RBM20: variants seen among roughly 807,000 people sequenced by gnomAD.
RBM20 encodes the protein RNA-binding protein 20.
Under a neutral mutation model 110.1 loss-of-function variants are expected in RBM20, and 51 were observed. The ratio of observed to expected loss-of-function variants is 0.46; its 90% CI spans 0.37 to 0.59. RBM20 has a LOEUF of 0.59. Ranked by LOEUF, RBM20 falls within the 20% of genes least tolerant of loss-of-function variation. The pLI is 0.00. For synonymous variants in RBM20, 589 were observed against 618.2 expected, an observed-to-expected ratio of 0.95 and a Z score of 0.70; for missense variants, 1,512 against 1,574.9, an observed-to-expected ratio of 0.96 and a Z score of 0.68.
rs60697105 is a variant in RBM20 at position 110,809,218 on chromosome 10, T to TAAA, written c.1801-1153_1801-1151dup. The stretch of plus-strand genomic sequence containing the variant: ...AGTGACAGAGCAAGACCCCGTTTCT[T>TAAA]AAAAAAAAAAAAAATTGCATGATTC... On this transcript the variant is annotated intron_variant, in intron 7 of 13. Coordinates refer to ENST00000369519, the MANE Select transcript of RBM20 (RefSeq NM_001134363.3). Among the ~76,000 whole-genome samples, 119 of 60,726 alleles carry TAAA rather than the reference T, an allele frequency of 2.0e-3. 12 individuals carry two copies. In the Middle Eastern group the frequency reaches 0.039, roughly 20 times the overall value. The allele number at this position is 60,726 out of a possible 152,430, so 39.8% of individuals were successfully genotyped here.
chr10:110,833,933 A>C (rs61674060), intron 13 of RBM20, among the ~76,000 whole-genome samples: 10,132 of 152,238 alleles, frequency 0.067, 761 homozygotes, highest in African/African-American at 0.18. Context: ...AGCAGCAGGT[A>C]ATGGCTGACA....
intron 8 of RBM20, among the ~76,000 whole-genome samples, chr10:110,811,858 G>T (rs1844771482): frequency 6.6e-6 from 1 of 152,168 alleles, no homozygotes; most frequent in South Asian, 2.1e-4. Context: ...TGGCACCCAG[G>T]GTTAGGCAGC....
At chr10:110,689,565 G>A (rs1590619077) in intron 1 of RBM20, among the ~76,000 whole-genome samples, 1 of 152,216 alleles carries the variant, frequency 6.6e-6, no homozygotes, top group African/African-American at 2.4e-5. Context: ...GTTCCATCAT[G>A]TATAACTATT....
chr10:110,717,401 A>C (rs888840874), intron 1 of RBM20, among the ~76,000 whole-genome samples: 2 of 152,010 alleles, frequency 1.3e-5, no homozygotes, highest in Non-Finnish European at 2.9e-5. Context: ...ATTTTGTTCC[A>C]AGGGTGATAA....
chr10:110,816,436 A>G (rs939611838), intron 9 of RBM20, among the ~76,000 whole-genome samples: 3 of 147,914 alleles, frequency 2.0e-5, no homozygotes, highest in Non-Finnish European at 4.5e-5. Context: ...GACCATCTCA[A>G]CACCCCAACC....
At chr10:110,695,336 G>A (rs1290650635) in intron 1 of RBM20, among the ~76,000 whole-genome samples, 1 of 152,218 alleles carries the variant, frequency 6.6e-6, no homozygotes, top group African/African-American at 2.4e-5. Flanking sequence ...CATAGCATGG[G>A]CCATTTAGAT....
At chr10:110,690,257 T>G (rs1214649340) in intron 1 of RBM20, among the ~76,000 whole-genome samples, 1 of 152,072 alleles carries the variant, frequency 6.6e-6, no homozygotes, top group East Asian at 1.9e-4. Flanking sequence ...AAAATTTAAA[T>G]TAGCTGGGTG....
chr10:110,774,514 A>G (rs1844235648), intron 1 of RBM20, among the ~76,000 whole-genome samples: 1 of 151,752 alleles, frequency 6.6e-6, no homozygotes, highest in Non-Finnish European at 1.5e-5. Context: ...GTATATGTTG[A>G]TAGGCGTGTA....
At chr10:110,674,219 A>T (rs963877229) in intron 1 of RBM20, among the ~76,000 whole-genome samples, 2 of 152,182 alleles carry the variant, frequency 1.3e-5, no homozygotes, top group Non-Finnish European at 2.9e-5. Context: ...TCTGTGTAGG[A>T]TGGAAGTCAT....
At chr10:110,753,194 A>G (rs1194118737) in intron 1 of RBM20, among the ~76,000 whole-genome samples, 3 of 151,854 alleles carry the variant, frequency 2.0e-5, no homozygotes, top group Non-Finnish European at 2.9e-5. Context: ...CGGCCTCCCA[A>G]AGTGCTGGGA....
chr10:110,687,552 T>C (rs1310791974), intron 1 of RBM20, among the ~76,000 whole-genome samples: 1 of 152,262 alleles, frequency 6.6e-6, no homozygotes, highest in Non-Finnish European at 1.5e-5. Context: ...TCCAGTCTGA[T>C]GGTATTACAA....
chr10:110,777,113 A>G lies in RBM20; in HGVS notation c.192-3688A>G, dbSNP rs2135034062. ...TTCACGGCAATTACTTTGTGCCCAT[A>G]AAGTGGGAGGCAGTGTGCTGAGGAA... On this transcript the variant is annotated intron_variant, in intron 1 of 13. Transcript: ENST00000369519. Among the ~76,000 whole-genome samples, 3 of 152,302 alleles carry G rather than the reference A, an allele frequency of 2.0e-5. No homozygotes were observed. In the South Asian group the frequency reaches 6.2e-4, roughly 32 times the overall value.
chr10:110,830,936 C>A, intron 12 of RBM20, 125 bp from the exon 13 acceptor site: 1 of 964,298 alleles, frequency 1.0e-6, no homozygotes, highest in Non-Finnish European at 1.5e-6. Context: ...AGTAACCAGC[C>A]AAGGTCAACA....
rs987625099 is a variant in RBM20, at chr10:110,834,139, C to T, written c.3574-1729C>T. On this transcript the variant is annotated intron_variant, in intron 13 of 13. Coordinates refer to ENST00000369519, the MANE Select transcript of RBM20 (RefSeq NM_001134363.3). ...CAGAACAACAGGTGGAGTCAGCGCT[C>T]GATAGGAAAACTAGATACCTGCTTG... Among the ~76,000 whole-genome samples the T allele has an allele frequency of 2.0e-5, 3 of 152,226 alleles. No homozygotes were observed. In the East Asian group the frequency reaches 5.8e-4, roughly 29 times the overall value.
chr10:110,734,618 C>CATTT lies in RBM20; in HGVS notation c.192-46183_192-46182insATTT, dbSNP rs34824300. 1.4e-3 allele frequency among the ~76,000 whole-genome samples: 197 copies of CATTT among 136,536 alleles called. 4 individuals are homozygous for CATTT. Among genetic ancestry groups the CATTT allele is most frequent in the Middle Eastern group, 3.9e-3 (1 of 258 alleles). The allele number at this position is 136,536 out of a possible 152,430, so 89.6% of individuals were successfully genotyped here. ...CATGGAACCAATATAAAAATTCCCT[C>CATTT]TTTTTTTTTTTTTTTTTTGAGAGTG... On this transcript the variant is annotated intron_variant, in intron 1 of 13. Transcript: ENST00000369519.
At chr10:110,780,261 G>A (rs372754074) in intron 1 of RBM20, among the ~76,000 whole-genome samples, 3 of 151,990 alleles carry the variant, frequency 2.0e-5, no homozygotes, top group African/African-American at 4.8e-5. Context: ...ATCCCATCTC[G>A]CTATTGTTGG....
chr10:110,792,175 C>G (rs1037263025), intron 5 of RBM20, among the ~76,000 whole-genome samples: 2 of 151,680 alleles, frequency 1.3e-5, no homozygotes, highest in Non-Finnish European at 2.9e-5. Flanking sequence ...ATCTATCTAT[C>G]TATCTATCTA....
chr10:110,780,815 T>C lies in RBM20; in HGVS notation c.206T>C (p.Leu69Pro). The C allele has an allele frequency of 6.6e-7, 1 of 1,524,696 alleles. No homozygotes were observed. Among genetic ancestry groups the C allele is most frequent in the Non-Finnish European group, 8.8e-7 (1 of 1,131,560 alleles). The allele number at this position is 1,524,696 out of a possible 1,614,324, so 94.4% of individuals were successfully genotyped here. ...TCTTCCCACAGTGCCGCCAAGCTCC[T>C]GGACAAGAACCCATTCTCGGTCAGT... ...PQIIQNAAKL[L>P]DKNPFSVSNP... The change falls in exon 2 of 14, where the codon CTG (leucine) becomes CCG (proline). Residue 69 changes from leucine (L) to proline (P), a missense_variant. This residue lies in a region of RBM20 where 1,149 missense variants were observed against 1,169.4 expected (regional missense o/e 0.98). Coordinates refer to ENST00000369519, the MANE Select transcript of RBM20 (RefSeq NM_001134363.3).
At position 110,724,924 on chromosome 10, in the gene RBM20, T is replaced by C. The variant is rs150794388; in HGVS notation, c.192-55877T>C. 2.9e-3 allele frequency among the ~76,000 whole-genome samples: 436 copies of C among 152,250 alleles called. 6 individuals are homozygous for C. The highest frequency in any genetic ancestry group is 9.7e-3 in the African/African-American group (403 of 41,558). Reference sequence around the variant, plus strand: ...GCTCTGACTGCATGCCTACCATGTGTCAGGTCTTCGAGGAGGAGTCCCAGT... The same window carrying C: ...GCTCTGACTGCATGCCTACCATGTGCCAGGTCTTCGAGGAGGAGTCCCAGT... On this transcript the variant is annotated intron_variant, in intron 1 of 13. Transcript: ENST00000369519.
Sources: allele counts gnomAD v4.1 joint callset (sites outside exome capture counted in the v4.1 genomes callset), GRCh38; gene constraint gnomAD v4.1.1; regional missense constraint gnomAD v4.1.1; transcripts MANE v1.5; gene names NCBI Gene and HGNC (gene_info 2026-07-23, HGNC 2026-07-21).